Variants in XKR3 observed in about 807,000 individuals in gnomAD.
XKR3 encodes XK-related protein 3.
XKR3 carries 27 observed loss-of-function variants against 40.3 expected under a neutral mutation model. The observed-to-expected ratio is 0.67, with a 90% CI of 0.49 to 0.92. XKR3 has a LOEUF of 0.92. Ranked by LOEUF, XKR3 falls within the 40% of genes least tolerant of loss-of-function variation. The pLI, the probability that XKR3 is intolerant of heterozygous loss-of-function variation, is 0.00. For synonymous variants in XKR3, 193 were observed against 195.4 expected (o/e 0.99, Z 0.10); for missense variants, 472 against 537.6 (o/e 0.88, Z 1.21).
At chr22:16,823,342 G>A (rs2060263818) in intron 1 of XKR3, among the ~76,000 whole-genome samples, 1 of 152,154 alleles carries the variant, frequency 6.6e-6, no homozygotes, top group South Asian at 2.1e-4. Flanking sequence ...AGTTTGGAAA[G>A]GTGTTCCTAT....
At chr22:16,818,955 G>T (rs2060244896) in intron 1 of XKR3, among the ~76,000 whole-genome samples, 1 of 152,094 alleles carries the variant, frequency 6.6e-6, no homozygotes, top group African/African-American at 2.4e-5. Context: ...CTGAACAGTT[G>T]AAATGAATCT....
At chr22:16,795,004 G>C (rs1441909007) in intron 3 of XKR3, among the ~76,000 whole-genome samples, 1 of 152,148 alleles carries the variant, frequency 6.6e-6, no homozygotes, top group African/African-American at 2.4e-5. Flanking sequence ...ACAAGTTCTT[G>C]ACTAAAAAAG....
chr22:16,807,362 A>G (rs2060193693), intron 2 of XKR3, among the ~76,000 whole-genome samples: 1 of 152,158 alleles, frequency 6.6e-6, no homozygotes, highest in Non-Finnish European at 1.5e-5. Flanking sequence ...TTATGAGATT[A>G]TTTTCAAGTC....
chr22:16,793,814 A>C (rs2060130319), intron 3 of XKR3, among the ~76,000 whole-genome samples: 1 of 152,220 alleles, frequency 6.6e-6, no homozygotes, highest in African/African-American at 2.4e-5. Flanking sequence ...AAAGAAATTC[A>C]AGAGCTGAAA....
intron 1 of XKR3, among the ~76,000 whole-genome samples, chr22:16,822,945 G>A (rs773265859): frequency 3.3e-5 from 5 of 152,044 alleles, no homozygotes; most frequent in East Asian, 1.9e-4. Context: ...GTGCAGTGGC[G>A]TGACCTAGAC....
intron 1 of XKR3, among the ~76,000 whole-genome samples, chr22:16,816,393 T>C (rs2060233586): frequency 6.6e-6 from 1 of 151,888 alleles, no homozygotes; most frequent in Non-Finnish European, 1.5e-5. Context: ...TGAAAAAATA[T>C]TCATTTTTCC....
chr22:16,785,343 G>GTGTGTGTGCA (rs2060085828), intron 3 of XKR3, among the ~76,000 whole-genome samples: 1 of 151,536 alleles, frequency 6.6e-6, no homozygotes, highest in Non-Finnish European at 1.5e-5. Context: ...AAAAAGAAGT[G>GTGTGTGTGCA]TGTGTGTGCA....
chr22:16,808,052 TC>T lies in XKR3; in HGVS notation c.21del (p.Met8TrpfsTer16). On this transcript the variant is annotated frameshift_variant, in exon 2 of 4. Transcript: ENST00000684488. LOFTEE classifies it high-confidence loss of function. The stretch of plus-strand genomic sequence containing the variant: ...ACTCCTCCTGTGCTTTCTTCATCCA[TC>T]TCTTCAAACACTGTCTCCATTCTCA... METVFE[E>X]MDEESTGGVS... The T allele has an allele frequency of 6.2e-7, 1 of 1,609,724 alleles. No individual in the cohort carries two copies. The highest frequency in any genetic ancestry group is 8.5e-7 in the Non-Finnish European group (1 of 1,178,262).
At chr22:16,791,873 A>C (rs2060120799) in intron 3 of XKR3, among the ~76,000 whole-genome samples, 4 of 151,474 alleles carry the variant, frequency 2.6e-5, no homozygotes, top group Admixed American at 2.6e-4. Context: ...GCCACACCAT[A>C]AAATTGTATT....
At chr22:16,803,958 C>G (rs5994023) in intron 2 of XKR3, among the ~76,000 whole-genome samples, 31 of 152,282 alleles carry the variant, frequency 2.0e-4, no homozygotes, top group African/African-American at 7.0e-4. Flanking sequence ...TGCACAAGAT[C>G]CAAGAACCCT....
At chr22:16,811,610 A>G (rs1293893780) in intron 1 of XKR3, among the ~76,000 whole-genome samples, 1 of 152,236 alleles carries the variant, frequency 6.6e-6, no homozygotes, top group African/African-American at 2.4e-5. Context: ...AACATGAACT[A>G]AAATGTAAGT....
chr22:16,795,453 A>C (rs1438830119), intron 3 of XKR3, among the ~76,000 whole-genome samples: 1 of 152,330 alleles, frequency 6.6e-6, no homozygotes, highest in East Asian at 1.9e-4. Flanking sequence ...TCAAGAAGTT[A>C]GAAAAATCTC....
Position 16,800,028 on chromosome 22 carries a change from T to A in XKR3, c.336-4A>T, listed in dbSNP as rs551959412. ...ATTTCTAATGGTGTGCAAACACCTGTTAACATGAAGTAACATCCAAGATTA... is the reference window on the plus strand; with the variant it reads ...ATTTCTAATGGTGTGCAAACACCTGATAACATGAAGTAACATCCAAGATTA... On this transcript the variant is annotated splice_polypyrimidine_tract_variant and splice_region_variant and intron_variant, in intron 2 of 3. Transcript: ENST00000684488. 67 of 1,611,862 alleles carry A rather than the reference T, an allele frequency of 4.2e-5. No homozygotes were observed. In the East Asian group the frequency reaches 1.4e-3, roughly 34 times the overall value.
chr22:16,819,481 A>C (rs1287871872), intron 1 of XKR3, among the ~76,000 whole-genome samples: 1 of 152,150 alleles, frequency 6.6e-6, no homozygotes, highest in African/African-American at 2.4e-5. Flanking sequence ...GCAATATCTC[A>C]CAAAGCTGGC....
intron 3 of XKR3, among the ~76,000 whole-genome samples, chr22:16,792,724 G>A (rs1212429508): frequency 1.3e-5 from 2 of 152,178 alleles, no homozygotes; most frequent in Admixed American, 6.5e-5. Flanking sequence ...GACATCTGAT[G>A]TCAAATGACA....
At chr22:16,787,432 C>T (rs1268504185) in intron 3 of XKR3, among the ~76,000 whole-genome samples, 7 of 151,750 alleles carry the variant, frequency 4.6e-5, no homozygotes, top group East Asian at 1.9e-4. Flanking sequence ...GGTTGGTGGA[C>T]GCCTGTAATC....
chr22:16,823,277 G>T (rs1029243260), intron 1 of XKR3, among the ~76,000 whole-genome samples: 2 of 152,188 alleles, frequency 1.3e-5, no homozygotes, highest in African/African-American at 4.8e-5. Context: ...GGAGATAGCA[G>T]TGTAGAGAAA....
intron 1 of XKR3, among the ~76,000 whole-genome samples, chr22:16,813,211 G>C (rs2060219891): frequency 6.6e-6 from 1 of 151,648 alleles, no homozygotes; most frequent in Admixed American, 6.6e-5. Context: ...GTGAACCTGG[G>C]AGACGGAGCT....
chr22:16,799,436 C>CAAAAAAAAAAAAAAAAAAAAAAAAAAA (rs2060157854), intron 3 of XKR3, among the ~76,000 whole-genome samples: 3 of 59,008 alleles, frequency 5.1e-5, no homozygotes, highest in African/African-American at 2.6e-4. Context: ...AAAAAAAAAG[C>CAAAAAAAAAAAAAAAAAAAAAAAAAAA]AATGCTGTTT....
Sources: allele counts gnomAD v4.1 joint callset (sites outside exome capture counted in the v4.1 genomes callset), GRCh38; gene constraint gnomAD v4.1.1; transcripts MANE v1.5; gene names NCBI Gene and HGNC (gene_info 2026-07-23, HGNC 2026-07-21).